Variants in TCF7L1 observed in about 807,000 individuals in gnomAD.
TCF7L1 encodes transcription factor 7-like 1.
In TCF7L1, 18 loss-of-function variants were observed where a neutral mutation model predicts 63.7. The ratio of observed to expected loss-of-function variants is 0.28; its 90% confidence interval spans 0.20 to 0.42. The LOEUF (loss-of-function observed/expected upper bound fraction) is 0.42, where lower values mean the gene tolerates loss of function less well. Ranked by LOEUF, TCF7L1 falls within the 10% of genes least tolerant of loss-of-function variation. The pLI is 1.00. For synonymous variants in TCF7L1, 355 were observed against 340.9 expected (o/e 1.04, Z -0.46); for missense variants, 654 against 779.3 (o/e 0.84, Z 1.91).
At chr2:85,267,635 G>A (rs1681009245) in intron 3 of TCF7L1, among the ~76,000 whole-genome samples, 1 of 139,110 alleles carries the variant, frequency 7.2e-6, no homozygotes, top group African/African-American at 2.6e-5. Flanking sequence ...GGCGACAGAG[G>A]AAAGACTCTG....
At chr2:85,159,516 G>T (rs1280249279) in intron 3 of TCF7L1, among the ~76,000 whole-genome samples, 1 of 152,212 alleles carries the variant, frequency 6.6e-6, no homozygotes, top group African/African-American at 2.4e-5. Context: ...GCACACATTG[G>T]CTGCCTGCAC....
intron 3 of TCF7L1, among the ~76,000 whole-genome samples, chr2:85,173,740 A>G (rs1156612217): frequency 7.2e-6 from 1 of 138,256 alleles, no homozygotes; most frequent in Non-Finnish European, 1.6e-5. Flanking sequence ...CATAGAATTC[A>G]TTCTTTTTTT....
intron 11 of TCF7L1, 81 bp from the exon 12 acceptor site, chr2:85,308,948 C>T: frequency 2.0e-6 from 3 of 1,465,920 alleles, no homozygotes; most frequent in Non-Finnish European, 2.7e-6. Context: ...CTCCAAAGCA[C>T]ATGTATCGCC....
At chr2:85,308,553 C>T (rs1682196901) in intron 11 of TCF7L1, among the ~76,000 whole-genome samples, 1 of 145,898 alleles carries the variant, frequency 6.9e-6, no homozygotes, top group African/African-American at 2.5e-5. Context: ...CTCCTTCCCT[C>T]CCTCCCTATT....
chr2:85,165,479 T>C (rs947198725), intron 3 of TCF7L1, among the ~76,000 whole-genome samples: 1 of 152,104 alleles, frequency 6.6e-6, no homozygotes, highest in African/African-American at 2.4e-5. Context: ...GCAGGCAAAA[T>C]AAATACCCAC....
intron 3 of TCF7L1, among the ~76,000 whole-genome samples, chr2:85,164,879 C>G (rs189673002): frequency 3.3e-5 from 5 of 152,296 alleles, no homozygotes; most frequent in Admixed American, 2.0e-4. Flanking sequence ...TTATCCTTAG[C>G]AATTCTTAAT....
chr2:85,164,364 G>A (rs1678359807), intron 3 of TCF7L1, among the ~76,000 whole-genome samples: 1 of 152,164 alleles, frequency 6.6e-6, no homozygotes, highest in South Asian at 2.1e-4. Context: ...GGCCCCTCTT[G>A]CCTAAGATGA....
intron 3 of TCF7L1, among the ~76,000 whole-genome samples, chr2:85,168,399 A>ATTTTTTT (rs1678469814): frequency 6.6e-6 from 1 of 152,164 alleles, no homozygotes; most frequent in African/African-American, 2.4e-5. Flanking sequence ...AAAAAGAGTA[A>ATTTTTTT]GTGTGGGAAC....
intron 3 of TCF7L1, among the ~76,000 whole-genome samples, chr2:85,150,926 C>A (rs1049515657): frequency 3.9e-5 from 6 of 152,024 alleles, no homozygotes; most frequent in Non-Finnish European, 5.9e-5. Flanking sequence ...AATTGATGAT[C>A]AGTTTTTAAA....
chr2:85,167,968 T>G (rs922800174), intron 3 of TCF7L1, among the ~76,000 whole-genome samples: 1 of 152,152 alleles, frequency 6.6e-6, no homozygotes, highest in Admixed American at 6.5e-5. Flanking sequence ...GGACAAATAT[T>G]GTATGATTCT....
At chr2:85,256,143 C>T (rs1680711793) in intron 3 of TCF7L1, among the ~76,000 whole-genome samples, 2 of 152,186 alleles carry the variant, frequency 1.3e-5, no homozygotes, top group Admixed American at 6.5e-5. Context: ...TTGTGCTAAT[C>T]TTGCTGGAAT....
chr2:85,175,484 C>T (rs1678659342), intron 3 of TCF7L1, among the ~76,000 whole-genome samples: 1 of 152,208 alleles, frequency 6.6e-6, no homozygotes, highest in Admixed American at 6.5e-5. Context: ...GCTTCCCCTC[C>T]CTCCTGGTCA....
chr2:85,290,636 A>G (rs866978806), intron 4 of TCF7L1, among the ~76,000 whole-genome samples: 7 of 152,214 alleles, frequency 4.6e-5, no homozygotes, highest in South Asian at 4.1e-4. Flanking sequence ...TAAAAATAAA[A>G]AAGATATAGG....
At chr2:85,135,805 G>A (rs1264289763) in intron 3 of TCF7L1, among the ~76,000 whole-genome samples, 2 of 151,830 alleles carry the variant, frequency 1.3e-5, no homozygotes, top group Non-Finnish European at 2.9e-5. Flanking sequence ...TTGCAGCTTT[G>A]GCCCTGCTGG....
chr2:85,286,286 T>C (rs1310776805), intron 4 of TCF7L1, among the ~76,000 whole-genome samples: 4 of 145,410 alleles, frequency 2.8e-5, no homozygotes, highest in Non-Finnish European at 6.0e-5. Flanking sequence ...ACCCAGGAGG[T>C]GGAAGTTGCA....
At chr2:85,159,459 G>A (rs971061250) in intron 3 of TCF7L1, among the ~76,000 whole-genome samples, 1 of 152,244 alleles carries the variant, frequency 6.6e-6, no homozygotes, top group Admixed American at 6.5e-5. Flanking sequence ...AGTTGTGGTG[G>A]TTGTCTGCAT....
intron 3 of TCF7L1, among the ~76,000 whole-genome samples, chr2:85,245,405 G>A (rs1490577049): frequency 2.0e-5 from 3 of 152,162 alleles, no homozygotes; most frequent in African/African-American, 4.8e-5. Context: ...TCTAAGATGG[G>A]GTAGGTTGGC....
Position 85,307,253 on chromosome 2 carries a change from G to A in TCF7L1, c.1258-389G>A, listed in dbSNP as rs193056711. Among the ~76,000 whole-genome samples the A allele has an allele frequency of 9.2e-5, 14 of 152,314 alleles. No individual in the cohort carries two copies. In the East Asian group the frequency reaches 2.5e-3, roughly 27 times the overall value. Reference sequence around the variant, plus strand: ...CCGGAAACCAAGCCAATTTTCGCATGCGTGTTCTTCTTTGCTTTTTTTCTG... The same window carrying A: ...CCGGAAACCAAGCCAATTTTCGCATACGTGTTCTTCTTTGCTTTTTTTCTG... On this transcript the variant is annotated intron_variant, in intron 10 of 11. Transcript: ENST00000282111.
At chr2:85,283,204 G>C (rs1026965011) in intron 3 of TCF7L1, among the ~76,000 whole-genome samples, 4 of 151,256 alleles carry the variant, frequency 2.6e-5, no homozygotes, top group Admixed American at 2.6e-4. Context: ...ATGTTGATTG[G>C]TTGTGCTGGA....
Sources: allele counts gnomAD v4.1 joint callset (sites outside exome capture counted in the v4.1 genomes callset), GRCh38; gene constraint gnomAD v4.1.1; transcripts MANE v1.5; gene names NCBI Gene and HGNC (gene_info 2026-07-23, HGNC 2026-07-21).